NELL2: variants seen among roughly 807,000 people sequenced by gnomAD.
NELL2 encodes neural EGFL like 2.
A neutral mutation model predicts 109.6 loss-of-function variants in NELL2; 41 were observed. The ratio of observed to expected loss-of-function variants is 0.37; its 90% confidence interval spans 0.29 to 0.49. NELL2 has a LOEUF of 0.49. Among genes scored for constraint, NELL2 ranks in the 20% least tolerant of loss-of-function variants. The pLI, the probability that NELL2 is intolerant of heterozygous loss-of-function variation, is 0.98. For synonymous variants in NELL2, 355 were observed against 344.7 expected (o/e 1.03, Z -0.33); for missense variants, 900 against 1,008.3 (o/e 0.89, Z 1.45).
chr12:44,553,054 G>A (rs1273001827), intron 15 of NELL2, among the ~76,000 whole-genome samples: 4 of 143,650 alleles, frequency 2.8e-5, no homozygotes, highest in East Asian at 2.1e-4. Flanking sequence ...TCACTCATAG[G>A]TGGGAATTGA....
intron 15 of NELL2, among the ~76,000 whole-genome samples, chr12:44,550,942 T>C (rs1042900310): frequency 3.9e-5 from 6 of 152,176 alleles, no homozygotes; most frequent in African/African-American, 1.4e-4. Context: ...GTATCTACTA[T>C]ACAGCATAGT....
intron 9 of NELL2, among the ~76,000 whole-genome samples, chr12:44,734,243 G>C (rs1939522118): frequency 6.6e-6 from 1 of 151,812 alleles, no homozygotes; most frequent in Non-Finnish European, 1.5e-5. Flanking sequence ...AGTAATTCTA[G>C]TAATGCCTTT....
intron 2 of NELL2, among the ~76,000 whole-genome samples, chr12:44,846,027 T>C (rs766060640): frequency 5.8e-4 from 88 of 152,182 alleles, no homozygotes; most frequent in Non-Finnish European, 6.3e-4. Context: ...ATGAAAATGG[T>C]AATATAATAA....
upstream of NELL2, among the ~76,000 whole-genome samples, chr12:44,917,009 T>C (rs1945833610): frequency 1.3e-5 from 2 of 152,154 alleles, no homozygotes; most frequent in Non-Finnish European, 2.9e-5. Context: ...AGGACATCTA[T>C]TAATAAGAAA....
At chr12:44,725,531 C>A (rs1939027186) in intron 9 of NELL2, among the ~76,000 whole-genome samples, 1 of 152,152 alleles carries the variant, frequency 6.6e-6, no homozygotes, top group Non-Finnish European at 1.5e-5. Flanking sequence ...ATAAATCTTT[C>A]TACCATAAAG....
At chr12:44,621,461 T>C (rs1946057341) in intron 13 of NELL2, among the ~76,000 whole-genome samples, 1 of 152,128 alleles carries the variant, frequency 6.6e-6, no homozygotes, top group African/African-American at 2.4e-5. Flanking sequence ...ATTCCTCCTC[T>C]ACAAAATGAG....
intron 9 of NELL2, among the ~76,000 whole-genome samples, chr12:44,717,129 C>A (rs954677334): frequency 2.6e-5 from 4 of 152,004 alleles, no homozygotes; most frequent in South Asian, 2.1e-4. Context: ...CTGTAATTCT[C>A]CATAAGTCTA....
intron 2 of NELL2, among the ~76,000 whole-genome samples, chr12:44,841,995 C>T (rs1704011978): frequency 1.3e-5 from 2 of 148,800 alleles, no homozygotes; most frequent in African/African-American, 2.5e-5. Context: ...AGGAAGATAA[C>T]AAAATTAAAT....
At chr12:44,682,568 T>C (rs1453963737) in intron 12 of NELL2, among the ~76,000 whole-genome samples, 2 of 152,242 alleles carry the variant, frequency 1.3e-5, no homozygotes, top group Admixed American at 1.3e-4. Context: ...CATTTAAGTC[T>C]TTAATCCATC....
In NELL2 at chr12:44,617,558, G is replaced by A. The variant is rs1027456022; in HGVS notation, c.1445-6588C>T. Among the ~76,000 whole-genome samples the A allele has an allele frequency of 7.4e-5, 10 of 134,716 alleles. 1 individual carries two copies. The highest frequency in any genetic ancestry group is 2.8e-4 in the Admixed American group (4 of 14,138). The allele number at this position is 134,716 out of a possible 152,430, so 88.4% of individuals were successfully genotyped here. The stretch of plus-strand genomic sequence containing the variant: ...CACAAAAAAATTAGCCGGGCGTAGT[G>A]GCGGGCGCCTGTAGTCCCAGCTACT... On this transcript the variant is annotated intron_variant, in intron 13 of 19. Coordinates refer to ENST00000429094, the MANE Select transcript of NELL2 (RefSeq NM_001145108.2).
At chr12:44,614,119 A>G (rs796300123) in intron 13 of NELL2, among the ~76,000 whole-genome samples, 4 of 152,100 alleles carry the variant, frequency 2.6e-5, no homozygotes, top group African/African-American at 7.2e-5. Flanking sequence ...GGAATATCCA[A>G]TCTATAAGAC....
intron 9 of NELL2, among the ~76,000 whole-genome samples, chr12:44,768,497 T>C (rs1315514094): frequency 6.7e-6 from 1 of 148,716 alleles, no homozygotes; most frequent in Non-Finnish European, 1.5e-5. Context: ...TTGTCACATA[T>C]ACCTATAGAA....
chr12:44,530,932 T>C (rs1484941174), intron 16 of NELL2, among the ~76,000 whole-genome samples: 1 of 152,202 alleles, frequency 6.6e-6, no homozygotes, highest in Admixed American at 6.5e-5. Context: ...ATGTTTGCTG[T>C]TTTTAGCTGC....
chr12:44,795,194 T>A (rs2136639733), intron 3 of NELL2, among the ~76,000 whole-genome samples: 1 of 152,222 alleles, frequency 6.6e-6, no homozygotes, highest in East Asian at 1.9e-4. Flanking sequence ...TAAGCCTAAA[T>A]AGGAAAATGA....
chr12:44,563,730 C>CG (rs1387205573), intron 15 of NELL2, among the ~76,000 whole-genome samples: 1 of 152,168 alleles, frequency 6.6e-6, no homozygotes. Flanking sequence ...ATTGAAAATA[C>CG]GGAACTGTCA....
intron 9 of NELL2, among the ~76,000 whole-genome samples, chr12:44,769,881 G>C: frequency 6.6e-6 from 1 of 152,154 alleles, no homozygotes; most frequent in Non-Finnish European, 1.5e-5. Flanking sequence ...TCACAAAGGT[G>C]ATTCTGAGTA....
intron 2 of NELL2, among the ~76,000 whole-genome samples, chr12:44,851,018 T>A (rs1025752983): frequency 3.9e-5 from 6 of 152,158 alleles, no homozygotes; most frequent in Non-Finnish European, 8.8e-5. Context: ...ACAGTATACT[T>A]AAAATATCTA....
intron 13 of NELL2, among the ~76,000 whole-genome samples, chr12:44,644,625 T>TATATATAC (rs1455589223): frequency 1.2e-3 from 119 of 98,722 alleles, no homozygotes; most frequent in African/African-American, 2.5e-3. Flanking sequence ...TATATATATA[T>TATATATAC]ACATACATAT....
chr12:44,873,559 T>C (rs2136840384), intron 2 of NELL2, among the ~76,000 whole-genome samples: 1 of 152,280 alleles, frequency 6.6e-6, no homozygotes, highest in Non-Finnish European at 1.5e-5. Flanking sequence ...CTAGGTAGAA[T>C]ACTAATAAAA....
Sources: allele counts gnomAD v4.1 joint callset (sites outside exome capture counted in the v4.1 genomes callset), GRCh38; gene constraint gnomAD v4.1.1; transcripts MANE v1.5; gene names NCBI Gene and HGNC (gene_info 2026-07-23, HGNC 2026-07-21).